Variants in RBMS3 observed in about 807,000 individuals in gnomAD.
RBMS3 encodes the protein RNA-binding motif, single-stranded-interacting protein 3.
A neutral mutation model predicts 66.8 loss-of-function variants in RBMS3; 27 were observed. The observed-to-expected ratio is 0.40, with a 90% CI of 0.30 to 0.56. The LOEUF is 0.56. Ranked by LOEUF, RBMS3 falls within the 20% of genes least tolerant of loss-of-function variation. The pLI is 0.40. For missense variants in RBMS3, 513 were observed against 549.5 expected (o/e 0.93, Z 0.66); for synonymous variants, 188 against 183.0 (o/e 1.03, Z -0.22).
intron 4 of RBMS3, among the ~76,000 whole-genome samples, chr3:29,646,925 A>G (rs1218053318): frequency 1.3e-5 from 2 of 152,136 alleles, no homozygotes. Context: ...TGCGTGTTAG[A>G]TAAGTGCAGG....
intron 4 of RBMS3, among the ~76,000 whole-genome samples, chr3:29,664,269 C>T (rs2050667783): frequency 6.6e-6 from 1 of 152,114 alleles, no homozygotes; most frequent in African/African-American, 2.4e-5. Flanking sequence ...GCAGGAAGAT[C>T]ACAAGGTCAA....
At chr3:29,472,801 C>T (rs1156392621) in intron 2 of RBMS3, among the ~76,000 whole-genome samples, 2 of 152,072 alleles carry the variant, frequency 1.3e-5, no homozygotes, top group African/African-American at 4.8e-5. Flanking sequence ...TGAGCAGCAG[C>T]AAGATTTATT....
intron 1 of RBMS3, among the ~76,000 whole-genome samples, chr3:29,430,025 G>T (rs1354356777): frequency 6.6e-6 from 1 of 151,960 alleles, no homozygotes; most frequent in African/African-American, 2.4e-5. Flanking sequence ...AATCGCTTTT[G>T]CTTTTCACAA....
At chr3:29,694,575 C>T (rs540009356) in intron 4 of RBMS3, among the ~76,000 whole-genome samples, 15 of 152,024 alleles carry the variant, frequency 9.9e-5, no homozygotes, top group African/African-American at 3.1e-4. Context: ...TTTGTATATC[C>T]GTATATGGAT....
At chr3:29,932,492 C>A (rs2061154768) in intron 10 of RBMS3, among the ~76,000 whole-genome samples, 1 of 152,170 alleles carries the variant, frequency 6.6e-6, no homozygotes, top group African/African-American at 2.4e-5. Flanking sequence ...CCCAGAGAGT[C>A]TAATTTTTGT....
intron 4 of RBMS3, among the ~76,000 whole-genome samples, chr3:29,705,598 G>T (rs950902973): frequency 6.6e-6 from 1 of 152,072 alleles, no homozygotes; most frequent in African/African-American, 2.4e-5. Flanking sequence ...ATAGTTTATT[G>T]ATTTTACTTT....
intron 6 of RBMS3, among the ~76,000 whole-genome samples, chr3:29,776,313 G>C (rs1488449673): frequency 6.6e-6 from 1 of 151,898 alleles, no homozygotes; most frequent in East Asian, 1.9e-4. Context: ...GACTTATGCT[G>C]CTGTCTCTTT....
chr3:29,394,142 G>T (rs1391306826), intron 1 of RBMS3, among the ~76,000 whole-genome samples: 1 of 152,154 alleles, frequency 6.6e-6, no homozygotes, highest in African/African-American at 2.4e-5. Context: ...GCATAAGACA[G>T]ACACTCTCAG....
intron 6 of RBMS3, among the ~76,000 whole-genome samples, chr3:29,848,268 A>T (rs2149514762): frequency 6.6e-6 from 1 of 152,280 alleles, no homozygotes; most frequent in Non-Finnish European, 1.5e-5. Context: ...ATCTTTCTCC[A>T]ATCTGCCATA....
intron 1 of RBMS3, among the ~76,000 whole-genome samples, chr3:29,342,631 T>A (rs2036341844): frequency 6.6e-6 from 1 of 152,080 alleles, no homozygotes; most frequent in Non-Finnish European, 1.5e-5. Context: ...TATTATCAAG[T>A]GGGTAGGGAT....
intron 1 of RBMS3, among the ~76,000 whole-genome samples, chr3:29,344,352 C>G (rs765646172): frequency 2.6e-5 from 4 of 152,166 alleles, no homozygotes; most frequent in Non-Finnish European, 4.4e-5. Flanking sequence ...TTTTATCACA[C>G]AATAGCAATG....
At chr3:29,593,303 C>T (rs975015783) in intron 4 of RBMS3, among the ~76,000 whole-genome samples, 1 of 152,182 alleles carries the variant, frequency 6.6e-6, no homozygotes, top group Non-Finnish European at 1.5e-5. Flanking sequence ...CAGCCACACT[C>T]CTGTAGTATA....
chr3:29,948,038 G>A (rs62235517), intron 12 of RBMS3, among the ~76,000 whole-genome samples: 16,686 of 151,400 alleles, frequency 0.11, 1,090 homozygotes, highest in Middle Eastern at 0.18. Context: ...TAGAACTTGT[G>A]GAGCATATTT....
chr3:29,902,534 A>T (rs1163343226), intron 10 of RBMS3, among the ~76,000 whole-genome samples: 1 of 151,590 alleles, frequency 6.6e-6, no homozygotes, highest in African/African-American at 2.4e-5. Flanking sequence ...CTTTCTAAAC[A>T]TTCAACACCT....
chr3:29,303,994 A>T (rs1044106891), intron 1 of RBMS3, among the ~76,000 whole-genome samples: 1 of 151,954 alleles, frequency 6.6e-6, no homozygotes, highest in Non-Finnish European at 1.5e-5. Context: ...CCATGAGAAC[A>T]GTATGGGGGA....
chr3:29,948,769 T>C (rs971731337), intron 12 of RBMS3, among the ~76,000 whole-genome samples: 1 of 151,832 alleles, frequency 6.6e-6, no homozygotes, highest in African/African-American at 2.4e-5. Context: ...TGATTTTTTC[T>C]TTGTAATAAG....
chr3:29,328,675 G>A (rs1252562409), intron 1 of RBMS3, among the ~76,000 whole-genome samples: 1 of 151,962 alleles, frequency 6.6e-6, no homozygotes, highest in East Asian at 1.9e-4. Context: ...TCTAATGAGA[G>A]CTCAGGTCTT....
At chr3:29,520,695 G>C (rs1379100412) in intron 3 of RBMS3, among the ~76,000 whole-genome samples, 2 of 152,140 alleles carry the variant, frequency 1.3e-5, no homozygotes, top group African/African-American at 4.8e-5. Flanking sequence ...TATGAAGGAT[G>C]TATTATGCTT....
chr3:29,865,482 T>C lies in RBMS3; in HGVS notation c.638-3376T>C, dbSNP rs1045180041. On this transcript the variant is annotated intron_variant, in intron 6 of 14. Transcript: ENST00000383767. ...GAAACCCAGAATTTTCTGTAGCCAC[T>C]GGTCAATGTGTTCTTACAGCCGTAA... is the stretch of plus-strand genomic sequence containing the variant. 8.5e-5 allele frequency among the ~76,000 whole-genome samples: 13 copies of C among 152,218 alleles called. No homozygotes were observed. In the South Asian group the frequency reaches 2.1e-3, roughly 24 times the overall value.
Sources: allele counts gnomAD v4.1 joint callset (sites outside exome capture counted in the v4.1 genomes callset), GRCh38; gene constraint gnomAD v4.1.1; transcripts MANE v1.5; gene names NCBI Gene and HGNC (gene_info 2026-07-23, HGNC 2026-07-21).